The following CSNK1G1 variants were observed in gnomAD, a reference collection of about 807,000 sequenced individuals.
The protein encoded by CSNK1G1 is casein kinase I isoform gamma-1.
CSNK1G1 carries 22 observed loss-of-function variants against 59.6 expected under a neutral mutation model. The observed-to-expected ratio is 0.37, with a 90% CI of 0.26 to 0.53. The LOEUF (loss-of-function observed/expected upper bound fraction) is 0.53, where lower values mean the gene tolerates loss of function less well. Ranked by LOEUF, CSNK1G1 falls within the 20% of genes least tolerant of loss-of-function variation. CSNK1G1 has a pLI of 0.89. For missense variants in CSNK1G1, 384 were observed against 519.5 expected (o/e 0.74, Z 2.54); for synonymous variants, 179 against 177.1 (o/e 1.01, Z -0.08).
intron 4 of CSNK1G1, among the ~76,000 whole-genome samples, chr15:64,239,811 C>T (rs748474782): frequency 6.6e-6 from 1 of 152,130 alleles, no homozygotes; most frequent in Non-Finnish European, 1.5e-5. Context: ...AAGAACCAAA[C>T]AGATTTCCCA....
In CSNK1G1 at chr15:64,171,707, C is replaced by T; in HGVS notation, c.*224G>A. On this transcript the variant is annotated 3_prime_UTR_variant, in exon 12 of 12. Transcript: ENST00000303052. This position sits in a 1 kb window ranked among gnomAD's most constrained non-coding sequence, Gnocchi z 4.8. ...CTATGGGCAAGCAGTGGAGGAACAG[C>T]AGCTCTGGGACCTGCTCAGAGCCTT... The T allele has an allele frequency of 1.7e-6, 1 of 580,760 alleles. No individual in the cohort carries two copies. The allele number at this position is 580,760 out of a possible 1,614,324, so 36.0% of individuals were successfully genotyped here. A position where few individuals can be genotyped will look rare whatever the true frequency, so the allele number is the denominator to read the frequency against.
At chr15:64,273,811 G>A (rs2140353708) in intron 2 of CSNK1G1, among the ~76,000 whole-genome samples, 1 of 152,202 alleles carries the variant, frequency 6.6e-6, no homozygotes, top group African/African-American at 2.4e-5. Flanking sequence ...GGCTGTCCTG[G>A]GCCACACGTG....
rs34206192 is a variant in CSNK1G1 at position 64,338,700 on chromosome 15, CAAAAAAAAAAAA to C, written c.-225+17276_-225+17287del. 1.0e-3 allele frequency among the ~76,000 whole-genome samples: 33 copies of C among 31,534 alleles called. 1 individual carries two copies. Among genetic ancestry groups the C allele is most frequent in the African/African-American group, 2.2e-3 (12 of 5,384 alleles). The allele number at this position is 31,534 out of a possible 152,430, so 20.7% of individuals were successfully genotyped here. On this transcript the variant is annotated intron_variant, in intron 1 of 11. Transcript: ENST00000303052. ...GGGCAACAAGAGTGAAACTCGGTCT[CAAAAAAAAAAAA>C]AAAAAAAAAAAAAAAACACTTCTGG...
rs1388621776 is a variant in CSNK1G1, at chr15:64,300,527, T to A, written c.-28A>T. On this transcript the variant is annotated 5_prime_UTR_variant, in exon 2 of 12. Transcript: ENST00000303052. ...TCCTACAGGACAGAGTCTCCTATAG[T>A]ACAGCAAGTAGCTTCAGTATGTATA... The A allele has an allele frequency of 1.1e-5, 18 of 1,598,356 alleles. No homozygotes were observed. Among genetic ancestry groups the A allele is most frequent in the South Asian group, 3.4e-5 (3 of 89,114 alleles).
chr15:64,212,004 ATTAC>A (rs1239540549), intron 6 of CSNK1G1, among the ~76,000 whole-genome samples: 6 of 152,266 alleles, frequency 3.9e-5, no homozygotes, highest in African/African-American at 1.4e-4. Context: ...AAAATGGAAA[ATTAC>A]TTGTCATTGT....
rs187579138 is a variant in CSNK1G1, at chr15:64,210,938, C to T, written c.679+2952G>A. On this transcript the variant is annotated intron_variant, in intron 6 of 11. Coordinates refer to ENST00000303052, the MANE Select transcript of CSNK1G1 (RefSeq NM_022048.5). The surrounding 1 kb of genome is among the most constrained non-coding windows in gnomAD (Gnocchi z 4.2). The stretch of plus-strand genomic sequence containing the variant: ...TTGGTGAGAAGAGCCTAGCACCCCC[C>T]TTCCCATGTGATCTGCACATGCTGG... Among the ~76,000 whole-genome samples the T allele has an allele frequency of 4.3e-4, 65 of 152,284 alleles. No homozygotes were observed. Among genetic ancestry groups the T allele is most frequent in the Middle Eastern group, 3.4e-3 (1 of 294 alleles).
intron 10 of CSNK1G1, among the ~76,000 whole-genome samples, chr15:64,199,543 T>G (rs1405752726): frequency 6.6e-6 from 1 of 151,982 alleles, no homozygotes; most frequent in African/African-American, 2.4e-5. Flanking sequence ...AGCAGGAAAG[T>G]AAAGGAAACA....
chr15:64,280,318 T>A (rs985733287), intron 2 of CSNK1G1, among the ~76,000 whole-genome samples: 3 of 151,884 alleles, frequency 2.0e-5, no homozygotes, highest in Non-Finnish European at 4.4e-5. Flanking sequence ...TGAGCTGATA[T>A]AACAATCGTC....
intron 2 of CSNK1G1, among the ~76,000 whole-genome samples, chr15:64,296,877 A>G (rs1423785210): frequency 1.3e-5 from 2 of 151,740 alleles, no homozygotes; most frequent in African/African-American, 2.4e-5. Flanking sequence ...AGAAAAAAAA[A>G]AAAGAAAACT....
At position 64,176,171 on chromosome 15, in the gene CSNK1G1, T is replaced by C; in HGVS notation, c.1214+4177A>G. 1 of 398,650 alleles carries C rather than the reference T, an allele frequency of 2.5e-6. No individual in the cohort carries two copies. The allele number at this position is 398,650 out of a possible 1,614,324, so 24.7% of individuals were successfully genotyped here. ...GGCACAAGGAGTCCTATGGAAGCTA[T>C]TTAATGTTCCTAAGGCATTTTGTTT... is the stretch of plus-strand genomic sequence containing the variant. On this transcript the variant is annotated intron_variant, in intron 11 of 11. Transcript: ENST00000303052. The surrounding 1 kb of genome is among the most constrained non-coding windows in gnomAD (Gnocchi z 5.2).
At chr15:64,292,419 A>C (rs889766763) in intron 2 of CSNK1G1, among the ~76,000 whole-genome samples, 1 of 152,216 alleles carries the variant, frequency 6.6e-6, no homozygotes, top group Admixed American at 6.5e-5. Flanking sequence ...TCCTGTGTTA[A>C]TGCATTTTTG....
intron 1 of CSNK1G1, among the ~76,000 whole-genome samples, chr15:64,352,868 C>G (rs1457463675): frequency 1.3e-5 from 2 of 151,780 alleles, no homozygotes; most frequent in Non-Finnish European, 2.9e-5. Flanking sequence ...GCTGGCGGAT[C>G]ACTTGAGGTC....
At chr15:64,332,672 A>G (rs1897171530) in intron 1 of CSNK1G1, among the ~76,000 whole-genome samples, 1 of 150,560 alleles carries the variant, frequency 6.6e-6, no homozygotes, top group South Asian at 2.2e-4. Flanking sequence ...CTTAAAGTAT[A>G]ATTAAAAATA....
intron 2 of CSNK1G1, among the ~76,000 whole-genome samples, chr15:64,283,312 C>A (rs1183056087): frequency 6.6e-6 from 1 of 151,554 alleles, no homozygotes; most frequent in East Asian, 1.9e-4. Context: ...AAATATTTTT[C>A]TCCCATTATG....
At chr15:64,313,279 T>C (rs1307785357) in intron 1 of CSNK1G1, among the ~76,000 whole-genome samples, 2 of 152,210 alleles carry the variant, frequency 1.3e-5, no homozygotes. Context: ...TAAATCATTC[T>C]ACTATGAAGA....
chr15:64,354,341 C>G (rs1411380441), intron 1 of CSNK1G1, among the ~76,000 whole-genome samples: 2 of 152,064 alleles, frequency 1.3e-5, no homozygotes, highest in Non-Finnish European at 2.9e-5. Context: ...CAAGTACCTT[C>G]TATTTTACAC....
chr15:64,190,708 C>T (rs2081959347), intron 10 of CSNK1G1, among the ~76,000 whole-genome samples: 1 of 152,170 alleles, frequency 6.6e-6, no homozygotes, highest in Non-Finnish European at 1.5e-5. Flanking sequence ...GCCACCGTGC[C>T]GGCCATATTT....
chr15:64,240,146 A>C (rs2082675022), intron 4 of CSNK1G1, among the ~76,000 whole-genome samples: 1 of 152,238 alleles, frequency 6.6e-6, no homozygotes, highest in Non-Finnish European at 1.5e-5. Flanking sequence ...AGGCAGGAGA[A>C]TAGCTGGAAC....
rs1057263428 is a variant in CSNK1G1 at position 64,176,724 on chromosome 15, AAAAG to A, written c.1214+3620_1214+3623del. Among the ~76,000 whole-genome samples the A allele has an allele frequency of 6.6e-6, 1 of 152,208 alleles. No homozygotes were observed. Among genetic ancestry groups the A allele is most frequent in the Non-Finnish European group, 1.5e-5 (1 of 68,042 alleles). On this transcript the variant is annotated intron_variant, in intron 11 of 11. Coordinates refer to ENST00000303052, the MANE Select transcript of CSNK1G1 (RefSeq NM_022048.5). This position sits in a 1 kb window ranked among gnomAD's most constrained non-coding sequence, Gnocchi z 5.2. ...CTAGCCTCTCAAATATTCTGAGGGA[AAAAG>A]AAAGTCCCTAGCCTTTGTGCAAGTC...
Sources: gnomAD v4.1 joint callset for allele counts (sites outside exome capture counted in the v4.1 genomes callset) on GRCh38, gnomAD v4.1.1 for gene constraint, Gnocchi (gnomAD v3.1) non-coding constraint, MANE v1.5 for transcripts, NCBI Gene and HGNC (gene_info 2026-07-23, HGNC 2026-07-21) for gene names.